The following MIPOL1 variants were observed in gnomAD, a reference collection of about 807,000 sequenced individuals.
MIPOL1 encodes mirror-image polydactyly 1, also known as mirror-image polydactyly gene 1 protein.
A neutral mutation model predicts 60.9 loss-of-function variants in MIPOL1; 57 were observed. The observed-to-expected ratio is 0.94, with a 90% CI of 0.76 to 1.17. MIPOL1 has a LOEUF of 1.17. Ranked by LOEUF, MIPOL1 falls within the 50% of genes most tolerant of loss-of-function variation. The probability of loss-of-function intolerance (pLI) is 0.00; values close to 1 mark genes in which losing one functional copy is unlikely to be tolerated. For synonymous variants in MIPOL1, 179 were observed against 168.8 expected (o/e 1.06, Z -0.47); for missense variants, 551 against 511.6 (o/e 1.08, Z -0.74).
chr14:37,308,091 T>C lies in MIPOL1; in HGVS notation c.657+2T>C. 11 of 1,609,888 alleles carry C rather than the reference T, an allele frequency of 6.8e-6. No homozygotes were observed. Among genetic ancestry groups the C allele is most frequent in the Non-Finnish European group, 9.3e-6 (11 of 1,177,476 alleles). On this transcript the variant is annotated splice_donor_variant, in intron 8 of 12. Coordinates refer to ENST00000684589, the MANE Select transcript of MIPOL1 (RefSeq NM_001388067.1). LOFTEE classifies it high-confidence loss of function. Reference sequence around the variant, plus strand: ...ATTAACCCTGAAGAAAATGACATGGTAAGCCATTCTCTGAGGAGATTTCTT... The same window carrying C: ...ATTAACCCTGAAGAAAATGACATGGCAAGCCATTCTCTGAGGAGATTTCTT...
chr14:37,381,137 A>G (rs2092912595), intron 10 of MIPOL1, among the ~76,000 whole-genome samples: 1 of 152,018 alleles, frequency 6.6e-6, no homozygotes, highest in Admixed American at 6.6e-5. Context: ...CTGGAAAAAA[A>G]TTGAATATGT....
rs1182723398 is a variant in MIPOL1 at position 37,216,814 on chromosome 14, G to T, written c.-199+18710G>T. On this transcript the variant is annotated intron_variant, in intron 1 of 12. Coordinates refer to ENST00000684589, the MANE Select transcript of MIPOL1 (RefSeq NM_001388067.1). ...CTAAGAGGGAATTTTATAACTATAG[G>T]TGCCTACATTAAAAAAGAGGAAATA... Among the ~76,000 whole-genome samples, 4 of 152,042 alleles carry T rather than the reference G, an allele frequency of 2.6e-5. No homozygotes were observed. The East Asian group carries it at 7.7e-4, about 29-fold the overall frequency.
At chr14:37,484,132 G>C (rs1024411919) in intron 11 of MIPOL1, among the ~76,000 whole-genome samples, 1 of 152,078 alleles carries the variant, frequency 6.6e-6, no homozygotes, top group Non-Finnish European at 1.5e-5. Context: ...TGTCTTTGGC[G>C]TTAGTTTTTT....
intron 3 of MIPOL1, among the ~76,000 whole-genome samples, chr14:37,264,213 T>C (rs1027944127): frequency 6.6e-6 from 1 of 152,106 alleles, no homozygotes; most frequent in Admixed American, 6.5e-5. Flanking sequence ...AAATTTGGGC[T>C]ATGAATAAGG....
intron 11 of MIPOL1, among the ~76,000 whole-genome samples, chr14:37,466,801 G>C (rs1440819931): frequency 6.6e-6 from 1 of 152,184 alleles, no homozygotes. Flanking sequence ...TGTCATTGCT[G>C]CTGGACTTTA....
At chr14:37,493,748 CT>C (rs1334982205) in intron 11 of MIPOL1, among the ~76,000 whole-genome samples, 2 of 152,068 alleles carry the variant, frequency 1.3e-5, no homozygotes, top group Admixed American at 1.3e-4. Context: ...ACCTCATTAG[CT>C]TCCTGGTTAA....
chr14:37,407,887 T>TA (rs2153536411), intron 10 of MIPOL1, among the ~76,000 whole-genome samples: 1 of 136,242 alleles, frequency 7.3e-6, no homozygotes, highest in African/African-American at 2.7e-5. Flanking sequence ...TCTCACTCTG[T>TA]CACTCAGGCT....
At chr14:37,228,757 G>T (rs1970171339) in intron 1 of MIPOL1, among the ~76,000 whole-genome samples, 2 of 152,246 alleles carry the variant, frequency 1.3e-5, no homozygotes, top group East Asian at 3.9e-4. Context: ...CATTTTTCGT[G>T]TGTAATTAGT....
intron 12 of MIPOL1, among the ~76,000 whole-genome samples, chr14:37,526,217 T>C (rs1203311531): frequency 1.3e-5 from 2 of 149,424 alleles, no homozygotes; most frequent in Non-Finnish European, 3.0e-5. Flanking sequence ...TTTTTGGAAA[T>C]ACTGAACACA....
At chr14:37,449,569 A>T (rs17179071) in intron 11 of MIPOL1, among the ~76,000 whole-genome samples, 5,772 of 152,296 alleles carry the variant, frequency 0.038, 152 homozygotes, top group Non-Finnish European at 0.057. Context: ...ATTGCTGACC[A>T]TGCTAACCAT....
Position 37,392,967 on chromosome 14 carries a change from A to T in MIPOL1, c.936+23343A>T, listed in dbSNP as rs564184016. ...TGGAAATAGGATCTTCATAAATGTA[A>T]TTGAGTTAAAATAAGATTATACTGG... is the stretch of plus-strand genomic sequence containing the variant. On this transcript the variant is annotated intron_variant, in intron 10 of 12. Coordinates refer to ENST00000684589, the MANE Select transcript of MIPOL1 (RefSeq NM_001388067.1). 5.3e-5 allele frequency among the ~76,000 whole-genome samples: 8 copies of T among 152,236 alleles called. No homozygotes were observed. The South Asian group carries it at 1.7e-3, about 32-fold the overall frequency.
At chr14:37,338,978 A>G (rs914243637) in intron 9 of MIPOL1, among the ~76,000 whole-genome samples, 5 of 152,314 alleles carry the variant, frequency 3.3e-5, no homozygotes, top group Non-Finnish European at 2.9e-5. Flanking sequence ...ATATTGATCA[A>G]TTTTACTTGA....
At chr14:37,341,669 A>G (rs779877221) in intron 9 of MIPOL1, among the ~76,000 whole-genome samples, 1 of 152,170 alleles carries the variant, frequency 6.6e-6, no homozygotes, top group Non-Finnish European at 1.5e-5. Context: ...GGTTTTGGAT[A>G]CCTGGCCTCA....
chr14:37,308,298 A>G (rs775961312), intron 8 of MIPOL1, 51 bp from the exon 9 acceptor site: 4 of 1,406,696 alleles, frequency 2.8e-6, no homozygotes, highest in Non-Finnish European at 3.8e-6. Context: ...CCTATATTAA[A>G]TAAAATATAT....
chr14:37,472,579 A>C, intron 11 of MIPOL1, among the ~76,000 whole-genome samples: 1 of 152,300 alleles, frequency 6.6e-6, no homozygotes. Flanking sequence ...GCTTATTTTT[A>C]ACTAAGTGTC....
intron 6 of MIPOL1, 116 bp downstream of exon 6, chr14:37,270,641 C>CTTTTT (rs66866056): frequency 4.7e-5 from 10 of 212,204 alleles, no homozygotes; most frequent in South Asian, 1.6e-4. Context: ...GGAAGCTCTC[C>CTTTTT]TTTTTTTTTT....
chr14:37,485,037 C>T (rs930176299), intron 11 of MIPOL1, among the ~76,000 whole-genome samples: 1 of 152,108 alleles, frequency 6.6e-6, no homozygotes, highest in Non-Finnish European at 1.5e-5. Context: ...TGCTGCCTTC[C>T]CTGTGTCCAT....
intron 7 of MIPOL1, among the ~76,000 whole-genome samples, chr14:37,303,370 A>G (rs1469431403): frequency 6.6e-6 from 1 of 151,784 alleles, no homozygotes; most frequent in Non-Finnish European, 1.5e-5. Flanking sequence ...TTAATCCCTT[A>G]TTCTGATCAG....
At chr14:37,471,025 A>C (rs1422390958) in intron 11 of MIPOL1, among the ~76,000 whole-genome samples, 1 of 152,138 alleles carries the variant, frequency 6.6e-6, no homozygotes, top group East Asian at 1.9e-4. Flanking sequence ...GGTATACTAA[A>C]AGCCCAGAAT....
Sources: gnomAD v4.1 joint callset for allele counts (sites outside exome capture counted in the v4.1 genomes callset) on GRCh38, gnomAD v4.1.1 for gene constraint, MANE v1.5 for transcripts, NCBI Gene and HGNC (gene_info 2026-07-23, HGNC 2026-07-21) for gene names.